RAB27B: variants seen among roughly 807,000 people sequenced by gnomAD.
The protein encoded by RAB27B is RAB27B, member RAS oncogene family, also known as ras-related protein Rab-27B.
A neutral mutation model predicts 24.6 loss-of-function variants in RAB27B; 15 were observed. The ratio of observed to expected loss-of-function variants is 0.61; its 90% CI spans 0.41 to 0.94. The LOEUF is 0.94. Among genes scored for constraint, RAB27B ranks in the 40% least tolerant of loss-of-function variants. The pLI is 0.00. For synonymous variants in RAB27B, 105 were observed against 92.5 expected (o/e 1.14, Z -0.78); for missense variants, 261 against 266.8 (o/e 0.98, Z 0.15).
rs543986687 is a variant in RAB27B at position 54,744,304 on chromosome 18, ATCT to A, written c.-20+26167_-20+26169del. Among the ~76,000 whole-genome samples, 304 of 152,320 alleles carry A rather than the reference ATCT, an allele frequency of 2.0e-3. 1 individual carries two copies. The highest frequency in any genetic ancestry group is 7.1e-3 in the African/African-American group (296 of 41,574). ...TTTTATTTCAAAATGTGATAAAGAA[ATCT>A]TCTAAGAGAAGATAAAAACCTGTTT... is the stretch of plus-strand genomic sequence containing the variant. On this transcript the variant is annotated intron_variant, in intron 2 of 4. Transcript: ENST00000586570.
At chr18:54,734,848 C>G (rs545794520) in intron 2 of RAB27B, among the ~76,000 whole-genome samples, 8 of 151,990 alleles carry the variant, frequency 5.3e-5, no homozygotes, top group Non-Finnish European at 8.8e-5. Flanking sequence ...TCTATGAAAC[C>G]TGAGAAATAA....
intron 2 of RAB27B, among the ~76,000 whole-genome samples, chr18:54,762,128 G>A (rs1908210593): frequency 6.6e-6 from 1 of 152,164 alleles, no homozygotes; most frequent in Non-Finnish European, 1.5e-5. Flanking sequence ...TTCTCCCTAT[G>A]AACCTCCTCA....
chr18:54,776,844 A>G (rs1908731714), intron 2 of RAB27B, among the ~76,000 whole-genome samples: 1 of 152,160 alleles, frequency 6.6e-6, no homozygotes, highest in Admixed American at 6.5e-5. Flanking sequence ...GAATCACTTG[A>G]GAATAGCCTG....
chr18:54,849,368 T>A (rs1037117134), intron 1 of RAB27B, among the ~76,000 whole-genome samples: 3 of 152,232 alleles, frequency 2.0e-5, no homozygotes, highest in African/African-American at 7.2e-5. Context: ...ATTAGCTTTC[T>A]ATTGCCATTT....
At chr18:54,881,470 G>T (rs529455510) in intron 3 of RAB27B, among the ~76,000 whole-genome samples, 1 of 152,234 alleles carries the variant, frequency 6.6e-6, no homozygotes, top group South Asian at 2.1e-4. Context: ...AGCTCATTCT[G>T]TACAGATTCC....
intron 5 of RAB27B, among the ~76,000 whole-genome samples, chr18:54,888,473 C>T (rs1184932426): frequency 1.3e-5 from 2 of 152,084 alleles, no homozygotes; most frequent in Non-Finnish European, 2.9e-5. Context: ...TAAACTCAAT[C>T]CAGACAGTCT....
chr18:54,874,598 T>C (rs1032365465), intron 1 of RAB27B, among the ~76,000 whole-genome samples: 4 of 152,092 alleles, frequency 2.6e-5, no homozygotes, highest in African/African-American at 9.7e-5. Context: ...TAAGCAAAAT[T>C]TTAAAGTATG....
intron 2 of RAB27B, among the ~76,000 whole-genome samples, chr18:54,790,190 A>T (rs968012431): frequency 3.3e-5 from 5 of 152,144 alleles, no homozygotes; most frequent in African/African-American, 7.2e-5. Flanking sequence ...TTCTCTAAAC[A>T]TTCATCTCTA....
At chr18:54,742,120 A>C (rs185470415) in intron 2 of RAB27B, among the ~76,000 whole-genome samples, 345 of 152,320 alleles carry the variant, frequency 2.3e-3, no homozygotes, top group Non-Finnish European at 3.7e-3. Flanking sequence ...AATCTAAAGC[A>C]GTCTTATTTT....
rs1386032714 is a variant in RAB27B, at chr18:54,820,895, T to C, written c.-19-56672T>C. Among the ~76,000 whole-genome samples, 3 of 141,986 alleles carry C rather than the reference T, an allele frequency of 2.1e-5. No individual in the cohort carries two copies. The East Asian group carries it at 7.0e-4, about 33-fold the overall frequency. 93.1% of individuals were successfully genotyped at this position (141,986 alleles called of 152,430 possible). A position where few individuals can be genotyped will look rare whatever the true frequency, so the allele number is the denominator to read the frequency against. On this transcript the variant is annotated intron_variant, in intron 2 of 4. Coordinates refer to the RAB27B transcript ENST00000586570. ...GGGAATCATTTCCCCATTTCTTGGTTTTGTCAGGTTTGTCAAAGATCAGAT... is the reference window on the plus strand; with the variant it reads ...GGGAATCATTTCCCCATTTCTTGGTCTTGTCAGGTTTGTCAAAGATCAGAT...
chr18:54,861,947 A>C, intron 1 of RAB27B, among the ~76,000 whole-genome samples: 1 of 152,200 alleles, frequency 6.6e-6, no homozygotes. Flanking sequence ...GAAGAGACAT[A>C]TGTGAAAGAT....
chr18:54,773,189 A>C (rs573930003), intron 2 of RAB27B, among the ~76,000 whole-genome samples: 1 of 152,334 alleles, frequency 6.6e-6, no homozygotes, highest in East Asian at 1.9e-4. Context: ...AAAGGAAATA[A>C]ATGTTTTTAG....
intron 4 of RAB27B, 70 bp downstream of exon 4, chr18:54,884,506 C>A (rs1913054550): frequency 5.1e-6 from 5 of 978,258 alleles, no homozygotes; most frequent in South Asian, 1.4e-5. Flanking sequence ...GTTGGTCTTG[C>A]AAGATGAAAC....
At chr18:54,844,543 A>G (rs551622368) in intron 1 of RAB27B, among the ~76,000 whole-genome samples, 3 of 151,236 alleles carry the variant, frequency 2.0e-5, no homozygotes, top group Non-Finnish European at 4.4e-5. Flanking sequence ...AGTAGCTGGG[A>G]TTGCAGGCAT....
chr18:54,774,382 T>C (rs1396790287), intron 2 of RAB27B, among the ~76,000 whole-genome samples: 1 of 152,248 alleles, frequency 6.6e-6, no homozygotes, highest in Non-Finnish European at 1.5e-5. Context: ...GAAGGTACTA[T>C]TATTTTTCCA....
intron 2 of RAB27B, among the ~76,000 whole-genome samples, chr18:54,774,622 T>C (rs1350368976): frequency 6.6e-6 from 1 of 152,228 alleles, no homozygotes; most frequent in Admixed American, 6.5e-5. Context: ...TTTAGAGAGA[T>C]AGCTAAGTCT....
intron 1 of RAB27B, among the ~76,000 whole-genome samples, chr18:54,842,986 C>T (rs1300254897): frequency 6.6e-6 from 1 of 152,062 alleles, no homozygotes; most frequent in Admixed American, 6.6e-5. Flanking sequence ...TTAGTAGAGA[C>T]GGTGTTTCAC....
chr18:54,829,529 A>G lies in RAB27B; in HGVS notation c.-20+829A>G, dbSNP rs1272437321. ...AGCCCAAAGTAATAACATAAATTTC[A>G]AGGTTATTAACAACAAAATTATTGT... On this transcript the variant is annotated intron_variant, in intron 1 of 5. Coordinates refer to ENST00000262094, the MANE Select transcript of RAB27B (RefSeq NM_004163.4). Among the ~76,000 whole-genome samples, 6 of 152,342 alleles carry G rather than the reference A, an allele frequency of 3.9e-5. No individual in the cohort carries two copies. In the East Asian group the frequency reaches 7.7e-4, roughly 20 times the overall value.
chr18:54,869,666 A>T (rs925196313), intron 1 of RAB27B, among the ~76,000 whole-genome samples: 3 of 152,246 alleles, frequency 2.0e-5, no homozygotes, highest in Admixed American at 2.0e-4. Context: ...AGAAAATAGG[A>T]TTAATAACCT....
Sources: gnomAD v4.1 joint callset for allele counts (sites outside exome capture counted in the v4.1 genomes callset) on GRCh38, gnomAD v4.1.1 for gene constraint, MANE v1.5 for transcripts, NCBI Gene and HGNC (gene_info 2026-07-23, HGNC 2026-07-21) for gene names.